CACNB2: variants seen among roughly 807,000 people sequenced by gnomAD.
CACNB2 encodes the protein voltage-dependent L-type calcium channel subunit beta-2.
CACNB2 carries 42 observed loss-of-function variants against 73.3 expected under a neutral mutation model. The ratio of observed to expected loss-of-function variants is 0.57; its 90% confidence interval spans 0.45 to 0.74. The LOEUF (loss-of-function observed/expected upper bound fraction) is 0.74, where lower values mean the gene tolerates loss of function less well. Ranked by LOEUF, CACNB2 falls within the 30% of genes least tolerant of loss-of-function variation. CACNB2 has a pLI of 0.00. For missense variants in CACNB2, 940 were observed against 853.0 expected (o/e 1.10, Z -1.27); for synonymous variants, 348 against 310.3 (o/e 1.12, Z -1.28).
intron 2 of CACNB2, among the ~76,000 whole-genome samples, chr10:18,159,467 A>T (rs184346759): frequency 6.6e-6 from 1 of 152,324 alleles, no homozygotes; most frequent in East Asian, 1.9e-4. Flanking sequence ...TGTGGTTGTA[A>T]CGAAATTATC....
intron 3 of CACNB2, among the ~76,000 whole-genome samples, chr10:18,464,583 C>T (rs1040612090): frequency 6.6e-6 from 1 of 152,128 alleles, no homozygotes; most frequent in Non-Finnish European, 1.5e-5. Flanking sequence ...ACATGTTCTT[C>T]TCTCAGGCTC....
chr10:18,212,387 T>G (rs140303367), intron 2 of CACNB2, among the ~76,000 whole-genome samples: 29 of 152,326 alleles, frequency 1.9e-4, no homozygotes, highest in African/African-American at 5.1e-4. Context: ...TATATTGATT[T>G]GTAGAAGATA....
chr10:18,492,638 A>G (rs1190113216), intron 3 of CACNB2, among the ~76,000 whole-genome samples: 1 of 129,140 alleles, frequency 7.7e-6, no homozygotes, highest in Non-Finnish European at 1.5e-5. Context: ...AAAAAAAAAA[A>G]GAAAAAAAGA....
chr10:18,256,954 A>C (rs770577403), intron 2 of CACNB2: 1 of 152,200 alleles, frequency 6.6e-6, no homozygotes, highest in Non-Finnish European at 1.5e-5. Flanking sequence ...TCAAAAATTA[A>C]TAATAATAAC....
intron 6 of CACNB2, among the ~76,000 whole-genome samples, chr10:18,511,218 CATT>C (rs2133103060): frequency 6.6e-6 from 1 of 152,180 alleles, no homozygotes; most frequent in Non-Finnish European, 1.5e-5. Flanking sequence ...GAATTAATTC[CATT>C]ATTACCTTTT....
chr10:18,305,878 G>A (rs1208174447), intron 2 of CACNB2, among the ~76,000 whole-genome samples: 2 of 152,070 alleles, frequency 1.3e-5, no homozygotes, highest in East Asian at 1.9e-4. Context: ...CGAGGTGGGA[G>A]GATCGCTTGA....
intron 2 of CACNB2, among the ~76,000 whole-genome samples, chr10:18,183,100 A>G (rs2033972166): frequency 1.3e-5 from 2 of 151,962 alleles, no homozygotes; most frequent in South Asian, 4.2e-4. Flanking sequence ...GCCAAGTATT[A>G]TTTGATAGTG....
intron 2 of CACNB2, among the ~76,000 whole-genome samples, chr10:18,180,586 G>A (rs2033822552): frequency 6.6e-6 from 1 of 152,006 alleles, no homozygotes. Context: ...CCCTCATGGG[G>A]CAGTTACGAG....
intron 2 of CACNB2, among the ~76,000 whole-genome samples, chr10:18,258,309 A>T (rs569539134): frequency 6.6e-6 from 1 of 152,338 alleles, no homozygotes; most frequent in African/African-American, 2.4e-5. Context: ...TCAAATTCAG[A>T]ATCATAGAGG....
At chr10:18,363,688 G>C (rs768249418) in intron 2 of CACNB2, among the ~76,000 whole-genome samples, 8 of 152,138 alleles carry the variant, frequency 5.3e-5, no homozygotes, top group Non-Finnish European at 1.0e-4. Flanking sequence ...GTCTGAGCCA[G>C]AGGGTCTGAA....
intron 2 of CACNB2, among the ~76,000 whole-genome samples, chr10:18,189,986 C>G (rs893235127): frequency 6.6e-6 from 1 of 152,098 alleles, no homozygotes; most frequent in African/African-American, 2.4e-5. Flanking sequence ...ACGGAAAGCC[C>G]GTAAGCAAAT....
Position 18,469,425 on chromosome 10 carries a change from C to CGA in CACNB2, c.334-28930_334-28929insGA, listed in dbSNP as rs150615943. ...TATTTATGCCTCTCTAGTGTCATCCCACTTGATGTATTTAATATGTTGTTG... is the reference window on the plus strand; with the variant it reads ...TATTTATGCCTCTCTAGTGTCATCCCGAACTTGATGTATTTAATATGTTGTTG... On this transcript the variant is annotated intron_variant, in intron 3 of 13. Coordinates refer to ENST00000324631, the MANE Select transcript of CACNB2 (RefSeq NM_201596.3). Among the ~76,000 whole-genome samples the CGA allele has an allele frequency of 0.013, 2,011 of 152,300 alleles. 89 individuals carry two copies. The South Asian group carries it at 0.14, about 10-fold the overall frequency.
chr10:18,373,599 A>G (rs1353267813), intron 2 of CACNB2, among the ~76,000 whole-genome samples: 1 of 152,222 alleles, frequency 6.6e-6, no homozygotes, highest in Non-Finnish European at 1.5e-5. Flanking sequence ...GCCAACTGCA[A>G]AATCCAAGCC....
At chr10:18,361,172 C>G (rs1033713958) in intron 2 of CACNB2, among the ~76,000 whole-genome samples, 1 of 151,936 alleles carries the variant, frequency 6.6e-6, no homozygotes, top group Non-Finnish European at 1.5e-5. Flanking sequence ...TCCTCTACTT[C>G]CCGGGCTCAT....
chr10:18,398,083 C>G (rs1004207716), intron 2 of CACNB2, among the ~76,000 whole-genome samples: 4 of 152,160 alleles, frequency 2.6e-5, no homozygotes, highest in African/African-American at 9.7e-5. Context: ...CGACCGCCAG[C>G]TGTTCCTGAC....
intron 2 of CACNB2, among the ~76,000 whole-genome samples, chr10:18,263,927 T>G (rs912686457): frequency 6.6e-6 from 1 of 152,378 alleles, no homozygotes; most frequent in East Asian, 1.9e-4. Flanking sequence ...TTCTTTTGTT[T>G]ACTCCTAACC....
intron 3 of CACNB2, among the ~76,000 whole-genome samples, chr10:18,478,972 G>C (rs3905378): frequency 1.3e-5 from 2 of 151,772 alleles, no homozygotes; most frequent in Non-Finnish European, 2.9e-5. Flanking sequence ...CGGGAGGATC[G>C]CTCTAAGCCC....
intron 3 of CACNB2, among the ~76,000 whole-genome samples, chr10:18,478,157 C>G (rs1362164426): frequency 6.6e-6 from 1 of 152,118 alleles, no homozygotes; most frequent in Admixed American, 6.5e-5. Flanking sequence ...GTCTCAAACT[C>G]CTGACCTAAG....
At chr10:18,306,500 C>G (rs2039733300) in intron 2 of CACNB2, among the ~76,000 whole-genome samples, 1 of 151,982 alleles carries the variant, frequency 6.6e-6, no homozygotes, top group Admixed American at 6.6e-5. Flanking sequence ...GAAATGAGGT[C>G]CTTGGAAAAT....
Sources: gnomAD v4.1 joint callset for allele counts (sites outside exome capture counted in the v4.1 genomes callset) on GRCh38, gnomAD v4.1.1 for gene constraint, MANE v1.5 for transcripts, NCBI Gene and HGNC (gene_info 2026-07-23, HGNC 2026-07-21) for gene names.